NYAP2: variants seen among roughly 807,000 people sequenced by gnomAD.
NYAP2 encodes neuronal tyrosine-phosphorylated phosphoinositide-3-kinase adapter 2.
Under a neutral mutation model 50.4 loss-of-function variants are expected in NYAP2, and 23 were observed. The observed-to-expected ratio is 0.46, with a 90% CI of 0.33 to 0.65. The LOEUF is 0.65. Ranked by LOEUF, NYAP2 falls within the 30% of genes least tolerant of loss-of-function variation. NYAP2 has a pLI of 0.02. For synonymous variants in NYAP2, 394 were observed against 365.2 expected, an observed-to-expected ratio of 1.08 and a Z score of -0.90; for missense variants, 885 against 861.0, an observed-to-expected ratio of 1.03 and a Z score of -0.35.
At chr2:225,554,481 T>C (rs1399223061) in intron 4 of NYAP2, among the ~76,000 whole-genome samples, 3 of 151,816 alleles carry the variant, frequency 2.0e-5, no homozygotes, top group Non-Finnish European at 4.4e-5. Context: ...CTACCACACA[T>C]GGCTAATTTT....
intron 2 of NYAP2, among the ~76,000 whole-genome samples, chr2:225,404,536 A>G (rs770222930): frequency 1.3e-5 from 2 of 152,020 alleles, no homozygotes; most frequent in Non-Finnish European, 1.5e-5. Flanking sequence ...TTAACTCAAT[A>G]AACAGTTAAA....
At chr2:225,545,059 T>G (rs1411210733) in intron 4 of NYAP2, among the ~76,000 whole-genome samples, 2 of 152,192 alleles carry the variant, frequency 1.3e-5, no homozygotes, top group Non-Finnish European at 2.9e-5. Context: ...GCTGCCAGAC[T>G]TATTGGAGCT....
rs371910571 is a variant in NYAP2 at position 225,626,984 on chromosome 2, A to G, written c.1686A>G (p.Glu562=). The change falls in exon 6 of 7, where the codon GAA becomes GAG. Residue 562 remains glutamate, a synonymous_variant. Coordinates refer to ENST00000636099, the Ensembl canonical transcript of NYAP2. Reference sequence around the variant, plus strand: ...CATTACCAAAGTTGGACAACAAGGAAAGAGGCCACCATGGGGCGTCTTCCT... The same window carrying G: ...CATTACCAAAGTTGGACAACAAGGAGAGAGGCCACCATGGGGCGTCTTCCT... 10 of 1,587,954 alleles carry G rather than the reference A, an allele frequency of 6.3e-6. No individual in the cohort carries two copies. In the African/African-American group the frequency reaches 6.7e-5, roughly 11 times the overall value.
intron 5 of NYAP2, among the ~76,000 whole-genome samples, chr2:225,613,776 T>G (rs1259304954): frequency 1.3e-5 from 2 of 152,162 alleles, no homozygotes; most frequent in Non-Finnish European, 2.9e-5. Flanking sequence ...CATTAATGTT[T>G]TTAATAGCTC....
At chr2:225,626,361 T>G (rs1228671263) in intron 5 of NYAP2, among the ~76,000 whole-genome samples, 1 of 152,118 alleles carries the variant, frequency 6.6e-6, no homozygotes, top group East Asian at 1.9e-4. Context: ...GTGCCAGGGA[T>G]GCATGGAGGA....
At chr2:225,655,666 C>T (rs1483337480), downstream of NYAP2, among the ~76,000 whole-genome samples, 9 of 152,114 alleles carry the variant, frequency 5.9e-5, no homozygotes, top group South Asian at 1.0e-3. Context: ...CCTCCTTCTT[C>T]AGTGACCCCA....
At chr2:225,669,429 G>A in the NYAP2 span, among the ~76,000 whole-genome samples, 8 of 152,054 alleles carry the variant, frequency 5.3e-5, no homozygotes, top group African/African-American at 1.9e-4. Flanking sequence ...AATGGGCAAA[G>A]CTAATCTCTA....
At chr2:225,489,588 A>C (rs1690368743) in intron 3 of NYAP2, among the ~76,000 whole-genome samples, 1 of 152,152 alleles carries the variant, frequency 6.6e-6, no homozygotes. Flanking sequence ...AAAGTCTAAT[A>C]ATTTATTTCT....
chr2:225,666,850 C>G, the NYAP2 span, among the ~76,000 whole-genome samples: 1 of 135,004 alleles, frequency 7.4e-6, no homozygotes, highest in African/African-American at 3.0e-5. Context: ...CCCTCCATGC[C>G]CCCCCACCCC....
At chr2:225,687,043 T>C in the NYAP2 span, among the ~76,000 whole-genome samples, 1 of 152,192 alleles carries the variant, frequency 6.6e-6, no homozygotes, top group Non-Finnish European at 1.5e-5. Context: ...AGAACTACTT[T>C]ACTCATAATT....
rs545092451 is a variant in NYAP2 at position 225,520,753 on chromosome 2, C to A, written c.523+7081C>A. Among the ~76,000 whole-genome samples the A allele has an allele frequency of 6.4e-3, 973 of 152,200 alleles. 8 individuals carry two copies. The highest frequency in any genetic ancestry group is 0.021 in the African/African-American group (890 of 41,518). On this transcript the variant is annotated intron_variant, in intron 4 of 6. Transcript: ENST00000636099. ...TTGGCTTAGGATTGACTTGGCGATG[C>A]CGGCTCTTTTTTGGTTCCATATGAA...
chr2:225,702,989 T>C, the NYAP2 span: 3 of 151,678 alleles, frequency 2.0e-5, no homozygotes, highest in Non-Finnish European at 4.4e-5. Flanking sequence ...AAATGTTTAG[T>C]ATGCACTTCT....
exon 1 of NYAP2, chr2:225,400,184 G>C (rs776243690): frequency 6.6e-6 from 1 of 152,086 alleles, no homozygotes; most frequent in Non-Finnish European, 1.5e-5. Context: ...GTGCTAGAAC[G>C]CTGGCAGCCT....
In NYAP2 at chr2:225,399,762, A is replaced by G. The variant is rs371365309; in HGVS notation, c.-994A>G. ...CAGGGAGGGTGGAGGCAAAATTGATATCAAATAAGGGTATCAAACTGAGAT... is the reference window on the plus strand; with the variant it reads ...CAGGGAGGGTGGAGGCAAAATTGATGTCAAATAAGGGTATCAAACTGAGAT... On this transcript the variant is annotated 5_prime_UTR_variant, in exon 1 of 7. In the 5' UTR this introduces an upstream ATG that the reference lacks. Coordinates refer to ENST00000636099, the Ensembl canonical transcript of NYAP2. 5.3e-5 allele frequency: 8 copies of G among 152,164 alleles called. No individual in the cohort carries two copies. In the East Asian group the frequency reaches 9.7e-4, roughly 19 times the overall value. The allele number at this position is 152,164 out of a possible 1,614,324, so 9.4% of individuals were successfully genotyped here.
chr2:225,406,158 T>C (rs1411938328), intron 2 of NYAP2, among the ~76,000 whole-genome samples: 3 of 151,888 alleles, frequency 2.0e-5, no homozygotes, highest in Non-Finnish European at 4.4e-5. Context: ...AATTAACTTG[T>C]ATGAAGTTTT....
At chr2:225,508,184 A>G (rs565918525) in intron 3 of NYAP2, among the ~76,000 whole-genome samples, 4 of 152,336 alleles carry the variant, frequency 2.6e-5, no homozygotes, top group Admixed American at 2.6e-4. Context: ...TTTTATTTTT[A>G]TAACATGAGA....
At chr2:225,415,183 A>G (rs1695103476) in intron 3 of NYAP2, among the ~76,000 whole-genome samples, 1 of 152,162 alleles carries the variant, frequency 6.6e-6, no homozygotes, top group African/African-American at 2.4e-5. Context: ...GAATTACATT[A>G]CTTACAGCTC....
chr2:225,567,905 T>A (rs1367650951), intron 4 of NYAP2, among the ~76,000 whole-genome samples: 3 of 152,318 alleles, frequency 2.0e-5, no homozygotes, highest in African/African-American at 7.2e-5. Flanking sequence ...AAAATCATAC[T>A]GGCTGTGGCA....
intron 6 of NYAP2, among the ~76,000 whole-genome samples, chr2:225,639,913 A>T (rs575781723): frequency 5.3e-5 from 8 of 152,294 alleles, no homozygotes; most frequent in African/African-American, 1.9e-4. Flanking sequence ...AAGAGGACGT[A>T]GTAGATGCCA....
Sources: allele counts gnomAD v4.1 joint callset (sites outside exome capture counted in the v4.1 genomes callset), GRCh38; gene constraint gnomAD v4.1.1; transcripts MANE v1.5; gene names NCBI Gene and HGNC (gene_info 2026-07-23, HGNC 2026-07-21).